Variants in MCTP1 observed in about 807,000 individuals in gnomAD.
MCTP1 encodes the protein multiple C2 and transmembrane domain-containing protein 1.
Under a neutral mutation model 120.6 loss-of-function variants are expected in MCTP1, and 69 were observed. The observed-to-expected ratio is 0.57, with a 90% CI of 0.47 to 0.70. MCTP1 has a LOEUF of 0.70. Ranked by LOEUF, MCTP1 falls within the 30% of genes least tolerant of loss-of-function variation. The pLI is 0.00. For synonymous variants in MCTP1, 529 were observed against 493.1 expected, an observed-to-expected ratio of 1.07 and a Z score of -0.96; for missense variants, 1,203 against 1,248.8, an observed-to-expected ratio of 0.96 and a Z score of 0.55.
intron 1 of MCTP1, among the ~76,000 whole-genome samples, chr5:95,215,368 A>G (rs1333167195): frequency 2.6e-5 from 4 of 152,264 alleles, no homozygotes; most frequent in African/African-American, 9.6e-5. Context: ...TTTTTGTGAT[A>G]GACTGATTTC....
intron 1 of MCTP1, among the ~76,000 whole-genome samples, chr5:95,061,482 C>T (rs1179593218): frequency 1.9e-5 from 2 of 102,732 alleles, no homozygotes; most frequent in Non-Finnish European, 3.6e-5. Context: ...GTCTCCCAGG[C>T]TGGAGTGCAG....
intron 1 of MCTP1, among the ~76,000 whole-genome samples, chr5:95,062,819 GTTGTT>G (rs1749609119): frequency 3.3e-5 from 5 of 150,742 alleles, no homozygotes; most frequent in Non-Finnish European, 7.4e-5. Context: ...TGTTTTTTTT[GTTGTT>G]TTGTTTTTTT....
At chr5:95,000,676 T>C (rs553257298) in intron 2 of MCTP1, among the ~76,000 whole-genome samples, 30 of 152,340 alleles carry the variant, frequency 2.0e-4, no homozygotes, top group Admixed American at 1.8e-3. Context: ...TCAGCTGTTA[T>C]GACAAGACTC....
At chr5:95,206,166 T>G (rs572948204) in intron 1 of MCTP1, among the ~76,000 whole-genome samples, 2 of 152,338 alleles carry the variant, frequency 1.3e-5, no homozygotes, top group South Asian at 4.1e-4. Context: ...CATGGTATAT[T>G]CATATAAGGA....
chr5:94,991,738 A>T (rs1329634321), intron 2 of MCTP1, among the ~76,000 whole-genome samples: 1 of 151,740 alleles, frequency 6.6e-6, no homozygotes, highest in African/African-American at 2.4e-5. Context: ...TTAGCCAGGC[A>T]TGGTGGCGGG....
intron 1 of MCTP1, among the ~76,000 whole-genome samples, chr5:95,196,294 T>C (rs905236529): frequency 2.0e-5 from 3 of 152,220 alleles, no homozygotes; most frequent in Admixed American, 6.5e-5. Flanking sequence ...GTTTATACTA[T>C]ACTAAGCATG....
intron 1 of MCTP1, among the ~76,000 whole-genome samples, chr5:95,071,655 C>T (rs180891913): frequency 2.1e-4 from 32 of 152,238 alleles, no homozygotes; most frequent in African/African-American, 6.3e-4. Context: ...ATTTCTGTAT[C>T]CCTGAATGCA....
chr5:95,283,617 A>G (rs1373994295), intron 1 of MCTP1, among the ~76,000 whole-genome samples: 1 of 152,250 alleles, frequency 6.6e-6, no homozygotes, highest in African/African-American at 2.4e-5. Flanking sequence ...ACTACTCAGA[A>G]AGCTTCTGGT....
chr5:95,011,504 G>A (rs11745610), intron 2 of MCTP1, among the ~76,000 whole-genome samples: 24,055 of 152,050 alleles, frequency 0.16, 2,457 homozygotes, highest in East Asian at 0.42. Flanking sequence ...GAGGGACCTG[G>A]TGGGAGGTGA....
At chr5:95,001,039 G>C (rs1271077143) in intron 2 of MCTP1, among the ~76,000 whole-genome samples, 1 of 152,158 alleles carries the variant, frequency 6.6e-6, no homozygotes, top group African/African-American at 2.4e-5. Context: ...CTGTTCTCAC[G>C]ATAGTGAGTG....
At chr5:95,217,466 T>A (rs1351504031) in intron 1 of MCTP1, among the ~76,000 whole-genome samples, 1 of 152,198 alleles carries the variant, frequency 6.6e-6, no homozygotes, top group African/African-American at 2.4e-5. Flanking sequence ...TTTCTTCGAA[T>A]AAAGATGTAG....
chr5:95,133,454 G>C (rs1284582107), intron 1 of MCTP1, among the ~76,000 whole-genome samples: 2 of 152,184 alleles, frequency 1.3e-5, no homozygotes, highest in African/African-American at 2.4e-5. Context: ...AGGAGTTTGA[G>C]ACCAGCCTGG....
intron 1 of MCTP1, among the ~76,000 whole-genome samples, chr5:95,245,046 G>A (rs1264482195): frequency 6.6e-6 from 1 of 152,170 alleles, no homozygotes; most frequent in East Asian, 1.9e-4. Flanking sequence ...AGGGTCTGGA[G>A]TGGACCTCCA....
intron 17 of MCTP1, among the ~76,000 whole-genome samples, chr5:94,833,951 A>G (rs1358523416): frequency 6.6e-6 from 1 of 152,220 alleles, no homozygotes; most frequent in Non-Finnish European, 1.5e-5. Context: ...AAAGACATCA[A>G]ATTTGAAAGG....
chr5:95,143,438 T>A (rs1474706295), intron 1 of MCTP1, among the ~76,000 whole-genome samples: 1 of 152,136 alleles, frequency 6.6e-6, no homozygotes, highest in Admixed American at 6.6e-5. Context: ...TATTTTTTGA[T>A]TCAGAGAGTA....
intron 8 of MCTP1, 33 bp downstream of exon 8, chr5:94,917,862 GA>G: frequency 6.3e-7 from 1 of 1,584,568 alleles, no homozygotes; most frequent in Non-Finnish European, 8.7e-7. Flanking sequence ...TGCAAGCTCA[GA>G]AAAAAATAAA....
At chr5:95,006,063 A>C (rs1199798932) in intron 2 of MCTP1, among the ~76,000 whole-genome samples, 1 of 152,058 alleles carries the variant, frequency 6.6e-6, no homozygotes, top group Non-Finnish European at 1.5e-5. Context: ...AAACCATAGC[A>C]CCCAGAGAGA....
intron 2 of MCTP1, among the ~76,000 whole-genome samples, chr5:95,016,925 A>G (rs778003162): frequency 1.3e-5 from 2 of 152,134 alleles, no homozygotes; most frequent in Non-Finnish European, 2.9e-5. Flanking sequence ...TCAAAAGATC[A>G]CTTCTTAGGA....
rs113227976 is a variant in MCTP1 at position 94,920,742 on chromosome 5, AAAATAAAT to A, written c.1273-2777_1273-2770del. On this transcript the variant is annotated intron_variant, in intron 7 of 22. Transcript: ENST00000515393. ...GGGCGACAGAGGGAGATTCCGTCTC[AAAATAAAT>A]AAATAAATAAATAAATAAATAAATA... Among the ~76,000 whole-genome samples, 492 of 142,108 alleles carry A rather than the reference AAAATAAAT, an allele frequency of 3.5e-3. 2 individuals carry two copies. The highest frequency in any genetic ancestry group is 9.4e-3 in the South Asian group (41 of 4,362). The allele number at this position is 142,108 out of a possible 152,430, so 93.2% of individuals were successfully genotyped here.
Sources: allele counts gnomAD v4.1 joint callset (sites outside exome capture counted in the v4.1 genomes callset), GRCh38; gene constraint gnomAD v4.1.1; transcripts MANE v1.5; gene names NCBI Gene and HGNC (gene_info 2026-07-23, HGNC 2026-07-21).